NBPF11: variants seen among roughly 807,000 people sequenced by gnomAD.
The protein encoded by NBPF11 is NBPF member 11, also known as NBPF family member NBPF11.
NBPF11 carries 72 observed loss-of-function variants against 93.9 expected under a neutral mutation model. That is an observed-to-expected ratio of 0.77 (90% CI 0.63 to 0.93). The LOEUF is 0.93. Ranked by LOEUF, NBPF11 falls within the 40% of genes least tolerant of loss-of-function variation. The pLI is 0.00. For synonymous variants in NBPF11, 224 were observed against 304.9 expected, an observed-to-expected ratio of 0.73 and a Z score of 2.76; for missense variants, 705 against 802.2, an observed-to-expected ratio of 0.88 and a Z score of 1.46.
At chr1:148,149,483 C>T in intron 1 of NBPF11, 1 of 1,592,200 alleles carries the variant, frequency 6.3e-7, no homozygotes, top group Non-Finnish European at 8.5e-7. Context: ...GGGCGCCGGG[C>T]ACAACGACAT....
chr1:148,124,465 C>T (rs1445150146), intron 6 of NBPF11, among the ~76,000 whole-genome samples: 32 of 148,144 alleles, frequency 2.2e-4, no homozygotes, highest in Admixed American at 1.2e-3. Flanking sequence ...GCAGATGGGG[C>T]GAATTGAAAA....
In NBPF11 at chr1:148,103,887, C is replaced by G. The variant is rs1343968715; in HGVS notation, c.*9G>C. On this transcript the variant is annotated 3_prime_UTR_variant, in exon 24 of 24. Transcript: ENST00000682118. Reference sequence around the variant, plus strand: ...GAGTCCTGTAAGACTTCAGGCACTTCCACTTCCATCAGCACGCTGCTGAGC... The same window carrying G: ...GAGTCCTGTAAGACTTCAGGCACTTGCACTTCCATCAGCACGCTGCTGAGC... The G allele has an allele frequency of 5.1e-5, 82 of 1,610,914 alleles. No individual in the cohort carries two copies. In the South Asian group the frequency reaches 6.3e-4, roughly 12 times the overall value.
chr1:148,139,080 T>A (rs1671796201), intron 2 of NBPF11, among the ~76,000 whole-genome samples: 2 of 151,262 alleles, frequency 1.3e-5, no homozygotes, highest in Non-Finnish European at 2.9e-5. Flanking sequence ...AAAAGAGAAA[T>A]AACTCCATCT....
In NBPF11 at chr1:148,122,580, G is replaced by A. The variant is rs1371809005; in HGVS notation, c.566+149C>T. On this transcript the variant is annotated intron_variant, in intron 8 of 23. Transcript: ENST00000682118. Reference sequence around the variant, plus strand: ...CACATAGAGAAACACAACAGCTGCCGCACCCTGTGTCTAAGCTGGGTTGAA... The same window carrying A: ...CACATAGAGAAACACAACAGCTGCCACACCCTGTGTCTAAGCTGGGTTGAA... 130 of 1,197,838 alleles carry A rather than the reference G, an allele frequency of 1.1e-4. 2 individuals are homozygous for A. The African/African-American group carries it at 1.3e-3, about 12-fold the overall frequency. The allele number at this position is 1,197,838 out of a possible 1,614,324, so 74.2% of individuals were successfully genotyped here.
At chr1:148,146,758 G>A (rs1487803420) in intron 1 of NBPF11, 107 of 1,613,004 alleles carry the variant, frequency 6.6e-5, no homozygotes, top group Admixed American at 1.5e-4. Context: ...CGGCAATGCC[G>A]TGGACCTGGG....
At chr1:148,142,865 C>T (rs1404016174) in intron 2 of NBPF11, among the ~76,000 whole-genome samples, 8 of 152,190 alleles carry the variant, frequency 5.3e-5, no homozygotes, top group Non-Finnish European at 8.8e-5. Flanking sequence ...GAGATGGGAT[C>T]GGCCTTCAAA....
chr1:148,116,551 T>C lies in NBPF11; in HGVS notation c.1307-16A>G, dbSNP rs1468341176. On this transcript the variant is annotated splice_polypyrimidine_tract_variant and intron_variant, in intron 12 of 23. Coordinates refer to ENST00000682118, the MANE Select transcript of NBPF11 (RefSeq NM_001385469.3). Reference sequence around the variant, plus strand: ...TTATCATTTTCTGTAAATACAGAAGTGTTCATTCAGATATTTCCCACTTCA... The same window carrying C: ...TTATCATTTTCTGTAAATACAGAAGCGTTCATTCAGATATTTCCCACTTCA... The C allele has an allele frequency of 1.5e-6, 1 of 668,084 alleles. No individual in the cohort carries two copies. The highest frequency in any genetic ancestry group is 1.8e-5 in the African/African-American group (1 of 55,548). 41.4% of individuals were successfully genotyped at this position (668,084 alleles called of 1,614,324 possible).
At chr1:148,150,116 C>A (rs1461573668) in intron 1 of NBPF11, among the ~76,000 whole-genome samples, 5 of 150,548 alleles carry the variant, frequency 3.3e-5, no homozygotes, top group Non-Finnish European at 7.4e-5. Flanking sequence ...ATTTCTTAAT[C>A]TGTGGTGGTT....
intron 1 of NBPF11, among the ~76,000 whole-genome samples, chr1:148,151,537 C>T (rs1287928409): frequency 1.3e-5 from 2 of 152,044 alleles, no homozygotes; most frequent in African/African-American, 2.4e-5. Flanking sequence ...CCAGCGCCCA[C>T]GAGAGGAGGG....
chr1:148,127,798 A>C, intron 4 of NBPF11, among the ~76,000 whole-genome samples: 1 of 145,986 alleles, frequency 6.8e-6, no homozygotes. Context: ...GCCCGCCACC[A>C]CGCCCGGCTA....
Position 148,108,660 on chromosome 1 carries a change from A to T in NBPF11, c.1854-6T>A, listed in dbSNP as rs1442002924. The T allele has an allele frequency of 1.1e-6, 1 of 937,038 alleles. No individual in the cohort carries two copies. Among genetic ancestry groups the T allele is most frequent in the Non-Finnish European group, 1.8e-6 (1 of 564,722 alleles). The allele number at this position is 937,038 out of a possible 1,614,324, so 58.0% of individuals were successfully genotyped here. Reference sequence around the variant, plus strand: ...CCAGCAGCTCCCTGCTGAGCCTGGAAAAGTGGGAAAAAGTAAAGAATAAGC... The same window carrying T: ...CCAGCAGCTCCCTGCTGAGCCTGGATAAGTGGGAAAAAGTAAAGAATAAGC... On this transcript the variant is annotated splice_polypyrimidine_tract_variant and splice_region_variant and intron_variant, in intron 17 of 23. Transcript: ENST00000682118.
chr1:148,117,999 T>C (rs1432522499), intron 11 of NBPF11, among the ~76,000 whole-genome samples: 1 of 151,800 alleles, frequency 6.6e-6, no homozygotes, highest in African/African-American at 2.4e-5. Context: ...AGATCCTCGA[T>C]GATGTTCCAT....
intron 7 of NBPF11, among the ~76,000 whole-genome samples, chr1:148,123,258 G>A (rs1668313992): frequency 2.0e-5 from 3 of 152,034 alleles, no homozygotes; most frequent in Non-Finnish European, 2.9e-5. Context: ...TGTTATTCAG[G>A]GACATTCTAT....
intron 1 of NBPF11, chr1:148,146,341 G>T: frequency 1.3e-5 from 19 of 1,438,454 alleles, no homozygotes; most frequent in Non-Finnish European, 1.5e-5. Context: ...GGCCAGGCCG[G>T]GCGGCGTTGT....
At chr1:148,108,414 G>C in intron 18 of NBPF11, 68 bp downstream of exon 18, 1 of 996,920 alleles carries the variant, frequency 1.0e-6, no homozygotes, top group Non-Finnish European at 1.6e-6. Context: ...AGGGCCACTT[G>C]CAGTAGGAAT....
chr1:148,116,793 G>C (rs1278437555), intron 12 of NBPF11, among the ~76,000 whole-genome samples: 6 of 152,062 alleles, frequency 3.9e-5, no homozygotes, highest in Non-Finnish European at 8.8e-5. Context: ...CTGGAGGCTT[G>C]TGCAGCCTCT....
At chr1:148,115,142 G>A (rs1666168796) in intron 14 of NBPF11, among the ~76,000 whole-genome samples, 2 of 89,682 alleles carry the variant, frequency 2.2e-5, no homozygotes, top group East Asian at 3.7e-4. Context: ...TCCAGCCTAG[G>A]TGACAGAGCA....
intron 3 of NBPF11, among the ~76,000 whole-genome samples, chr1:148,137,233 GAGA>G (rs1450948389): frequency 6.6e-6 from 1 of 151,870 alleles, no homozygotes; most frequent in Admixed American, 6.5e-5. Context: ...GATGAAGTCA[GAGA>G]AGGTGGGAGC....
intron 5 of NBPF11, among the ~76,000 whole-genome samples, chr1:148,125,527 A>G (rs1668908024): frequency 2.0e-5 from 3 of 152,210 alleles, no homozygotes; most frequent in South Asian, 2.1e-4. Flanking sequence ...AGTGTGAGAC[A>G]TAAGACAATA....
Sources: gnomAD v4.1 joint callset for allele counts (sites outside exome capture counted in the v4.1 genomes callset) on GRCh38, gnomAD v4.1.1 for gene constraint, MANE v1.5 for transcripts, NCBI Gene and HGNC (gene_info 2026-07-23, HGNC 2026-07-21) for gene names.